The following LTBP1 variants were observed in gnomAD, a reference collection of about 807,000 sequenced individuals.
LTBP1 encodes latent-transforming growth factor beta-binding protein 1.
A neutral mutation model predicts 207.6 loss-of-function variants in LTBP1; 129 were observed. The ratio of observed to expected loss-of-function variants is 0.62; its 90% CI spans 0.54 to 0.72. The LOEUF is 0.72. LTBP1 is among the 30% of genes least tolerant of loss of function. The pLI is 0.00. For missense variants in LTBP1, 2,281 were observed against 2,217.2 expected (o/e 1.03, Z -0.58); for synonymous variants, 963 against 833.7 (o/e 1.16, Z -2.67).
rs993773496 is a variant in LTBP1 at position 33,252,839 on chromosome 2, G to C, written c.2162G>C (p.Gly721Ala). 1 of 1,603,844 alleles carries C rather than the reference G, an allele frequency of 6.2e-7. No homozygotes were observed. The highest frequency in any genetic ancestry group is 1.1e-5 in the South Asian group (1 of 89,668). Reference protein sequence around the residue: ...GPHCEKCPLPGTAAFKEICPG... With the variant: ...GPHCEKCPLPATAAFKEICPG... Reference sequence around the variant, plus strand: ...CACTGTGAGAAATGTCCCCTTCCAGGCACAGGTAAGACATGCCCAGCTGTA... The same window carrying C: ...CACTGTGAGAAATGTCCCCTTCCAGCCACAGGTAAGACATGCCCAGCTGTA... The change falls in exon 11 of 34, where the codon GGC becomes GCC. Residue 721 changes from glycine to alanine, a missense_variant. This residue lies in a region of LTBP1 where 1,671 missense variants were observed against 1,634.8 expected (regional missense o/e 1.02). Transcript: ENST00000404816.
At chr2:33,389,035 C>A in intron 31 of LTBP1, 149 bp from the exon 32 acceptor site, 1 of 1,092,490 alleles carries the variant, frequency 9.2e-7, no homozygotes, top group Non-Finnish European at 1.3e-6. Context: ...AAAAGATATT[C>A]AGACACTTTC....
chr2:33,081,595 C>G (rs1207275669), intron 3 of LTBP1, among the ~76,000 whole-genome samples: 1 of 152,090 alleles, frequency 6.6e-6, no homozygotes, highest in East Asian at 1.9e-4. Flanking sequence ...CACGTTGGTT[C>G]TAAACAGGGG....
chr2:33,017,319 C>G (rs1477358129), intron 2 of LTBP1, among the ~76,000 whole-genome samples: 1 of 152,200 alleles, frequency 6.6e-6, no homozygotes, highest in African/African-American at 2.4e-5. Flanking sequence ...CAGAAACTTG[C>G]TGCTGGAAGA....
In LTBP1 at chr2:33,257,324, G is replaced by C. The variant is rs141233701; in HGVS notation, c.2208G>C (p.Thr736=). The C allele has an allele frequency of 1.2e-6, 2 of 1,614,158 alleles. No homozygotes were observed. The highest frequency in any genetic ancestry group is 1.1e-5 in the South Asian group (1 of 91,080). The change falls in exon 12 of 34, where the codon ACG becomes ACC. Residue 736 remains threonine, a synonymous_variant. Transcript: ENST00000404816. ...KEICPGGMGY[T]VSGVHRRRPI... ...TCTGTCCTGGTGGAATGGGTTATACGGTTTCTGGCGTTCATAGACGCAGGC... is the reference window on the plus strand; with the variant it reads ...TCTGTCCTGGTGGAATGGGTTATACCGTTTCTGGCGTTCATAGACGCAGGC...
At chr2:33,044,275 C>T (rs1348434673) in intron 3 of LTBP1, among the ~76,000 whole-genome samples, 1 of 152,050 alleles carries the variant, frequency 6.6e-6, no homozygotes, top group East Asian at 1.9e-4. Context: ...GCCCCCTACC[C>T]ACTGACAGGC....
chr2:33,014,851 A>G (rs1337137495), intron 2 of LTBP1, among the ~76,000 whole-genome samples: 1 of 152,188 alleles, frequency 6.6e-6, no homozygotes, highest in Non-Finnish European at 1.5e-5. Flanking sequence ...TCAAATGATG[A>G]AAGTATTTTC....
intron 2 of LTBP1, among the ~76,000 whole-genome samples, chr2:32,964,480 G>A (rs1432869098): frequency 1.3e-5 from 2 of 152,066 alleles, no homozygotes; most frequent in Non-Finnish European, 2.9e-5. Context: ...TTTTCCCCAA[G>A]GGAAACTTAT....
At chr2:33,221,691 C>T (rs960524508) in intron 8 of LTBP1, among the ~76,000 whole-genome samples, 3 of 152,166 alleles carry the variant, frequency 2.0e-5, no homozygotes, top group Non-Finnish European at 2.9e-5. Context: ...TAACAGACAT[C>T]ACCCAGAATG....
At chr2:33,122,610 C>T (rs964843236) in intron 4 of LTBP1, among the ~76,000 whole-genome samples, 2 of 152,160 alleles carry the variant, frequency 1.3e-5, no homozygotes, top group African/African-American at 4.8e-5. Context: ...CTGGAACAGA[C>T]GTATAATACC....
chr2:33,174,734 T>C (rs975408999), intron 5 of LTBP1, among the ~76,000 whole-genome samples: 11 of 152,134 alleles, frequency 7.2e-5, no homozygotes, highest in African/African-American at 2.4e-4. Context: ...GCTGGAGGCA[T>C]CACACTACCT....
At chr2:33,275,559 C>G (rs1348489057) in intron 17 of LTBP1, among the ~76,000 whole-genome samples, 1 of 151,994 alleles carries the variant, frequency 6.6e-6, no homozygotes, top group Non-Finnish European at 1.5e-5. Context: ...TGGTGCATGC[C>G]TGTAATCCCA....
chr2:33,293,041 T>G, intron 19 of LTBP1, 119 bp from the exon 20 acceptor site: 1 of 1,050,012 alleles, frequency 9.5e-7, no homozygotes, highest in Non-Finnish European at 1.4e-6. Flanking sequence ...AAAGTTTATC[T>G]TTAAGAATCT....
intron 24 of LTBP1, among the ~76,000 whole-genome samples, chr2:33,325,315 A>C (rs1398766704): frequency 6.6e-6 from 1 of 152,190 alleles, no homozygotes; most frequent in African/African-American, 2.4e-5. Context: ...GAAAGAGAAA[A>C]ATTAGAAAAT....
intron 19 of LTBP1, among the ~76,000 whole-genome samples, chr2:33,287,550 G>C (rs1464703056): frequency 2.0e-5 from 3 of 152,220 alleles, no homozygotes; most frequent in African/African-American, 7.2e-5. Context: ...CAGCAAGTCT[G>C]CACCATATGT....
At position 33,252,766 on chromosome 2, in the gene LTBP1, C is replaced by G. The variant is rs1201633629; in HGVS notation, c.2089C>G (p.Leu697Val). The G allele has an allele frequency of 1.2e-5, 20 of 1,613,992 alleles. No individual in the cohort carries two copies. The highest frequency in any genetic ancestry group is 3.3e-5 in the Admixed American group (2 of 60,008). Residue 697 changes from leucine (L) to valine (V), a missense_variant, in exon 11 of 34, where the codon CTC becomes GTC. This residue lies in a region of LTBP1 where 1,671 missense variants were observed against 1,634.8 expected (regional missense o/e 1.02). Transcript: ENST00000404816. ...RQCMHPLSVH[L>V]TKQLCCCSVG... is the part of the protein sequence containing the mutation. Reference sequence around the variant, plus strand: ...GTGTATGCACCCTCTGTCTGTTCACCTCACCAAGCAGCTCTGCTGTTGTAG... The same window carrying G: ...GTGTATGCACCCTCTGTCTGTTCACGTCACCAAGCAGCTCTGCTGTTGTAG...
At chr2:33,267,409 C>G (rs541584832) in intron 15 of LTBP1, among the ~76,000 whole-genome samples, 1 of 152,082 alleles carries the variant, frequency 6.6e-6, no homozygotes. Context: ...AAAGTGATAC[C>G]CCAAGGATCC....
chr2:33,040,186 G>C lies in LTBP1; in HGVS notation c.863+18980G>C, dbSNP rs377435902. On this transcript the variant is annotated intron_variant, in intron 3 of 33. Transcript: ENST00000404816. ...TCTTGATTATGGGAGGCAGTAATCAGTAGTTAGTGAGATCCTGAAAGCAGG... is the reference window on the plus strand; with the variant it reads ...TCTTGATTATGGGAGGCAGTAATCACTAGTTAGTGAGATCCTGAAAGCAGG... 5.9e-5 allele frequency among the ~76,000 whole-genome samples: 9 copies of C among 152,180 alleles called. No individual in the cohort carries two copies. In the East Asian group the frequency reaches 1.2e-3, roughly 20 times the overall value.
At chr2:32,959,100 G>C (rs1453360708) in intron 2 of LTBP1, among the ~76,000 whole-genome samples, 1 of 152,174 alleles carries the variant, frequency 6.6e-6, no homozygotes, top group East Asian at 1.9e-4. Flanking sequence ...TAAGTAAACA[G>C]TTTGAAAATG....
At chr2:33,306,111 TA>T (rs1182551352) in intron 22 of LTBP1, among the ~76,000 whole-genome samples, 1 of 152,164 alleles carries the variant, frequency 6.6e-6, no homozygotes, top group Non-Finnish European at 1.5e-5. Flanking sequence ...TGAAGACAGA[TA>T]AAGGCCTTGC....
Sources: gnomAD v4.1 joint callset for allele counts (sites outside exome capture counted in the v4.1 genomes callset) on GRCh38, gnomAD v4.1.1 for gene constraint, gnomAD v4.1.1 regional missense constraint, MANE v1.5 for transcripts, NCBI Gene and HGNC (gene_info 2026-07-23, HGNC 2026-07-21) for gene names.